The following CATSPERE variants were observed in gnomAD, a reference collection of about 807,000 sequenced individuals.
CATSPERE encodes catsper channel auxiliary subunit epsilon.
In CATSPERE, 93 loss-of-function variants were observed where a neutral mutation model predicts 114.1. The observed-to-expected ratio is 0.81, with a 90% CI of 0.69 to 0.97. The LOEUF is 0.97. Among genes scored for constraint, CATSPERE ranks in the 50% least tolerant of loss-of-function variants. CATSPERE has a pLI of 0.00. For missense variants in CATSPERE, 1,058 were observed against 1,131.6 expected, an observed-to-expected ratio of 0.93 and a Z score of 0.93; for synonymous variants, 341 against 384.1, an observed-to-expected ratio of 0.89 and a Z score of 1.31.
intron 8 of CATSPERE, among the ~76,000 whole-genome samples, chr1:244,527,898 T>G (rs1678911046): frequency 6.6e-6 from 1 of 152,182 alleles, no homozygotes; most frequent in South Asian, 2.1e-4. Flanking sequence ...TCACCATGCC[T>G]GGCCAATTTT....
At position 244,633,865 on chromosome 1, in the gene CATSPERE, ATTTT is replaced by A. The variant is rs35307647; in HGVS notation, c.2649-1610_2649-1607del. Among the ~76,000 whole-genome samples the A allele has an allele frequency of 7.5e-6, 1 of 133,644 alleles. No individual in the cohort carries two copies. The allele number at this position is 133,644 out of a possible 152,430, so 87.7% of individuals were successfully genotyped here. On this transcript the variant is annotated intron_variant, in intron 20 of 21. Coordinates refer to ENST00000366534, the MANE Select transcript of CATSPERE (RefSeq NM_001130957.2). The surrounding 1 kb of genome is among the most constrained non-coding windows in gnomAD (Gnocchi z 4.1). ...CCTGTGACAGGTGTCTACATCACTC[ATTTT>A]TTTTTTTTTTTTTGAGACGGAGCCT...
upstream of CATSPERE, among the ~76,000 whole-genome samples, chr1:244,460,871 TCG>T (rs1180112899): frequency 6.6e-6 from 1 of 152,214 alleles, no homozygotes; most frequent in East Asian, 1.9e-4. Flanking sequence ...CCGAGCCAGA[TCG>T]CGCCACTGCA....
At chr1:244,596,467 A>T (rs1668446225) in intron 17 of CATSPERE, among the ~76,000 whole-genome samples, 1 of 152,198 alleles carries the variant, frequency 6.6e-6, no homozygotes. Context: ...GTGAAGCCAA[A>T]AAACCTCCCA....
At chr1:244,486,425 G>C (rs1311750086) in intron 5 of CATSPERE, among the ~76,000 whole-genome samples, 1 of 113,302 alleles carries the variant, frequency 8.8e-6, no homozygotes, top group African/African-American at 3.4e-5. Flanking sequence ...GTGGTTCAGC[G>C]TGTGGAATAC....
intron 12 of CATSPERE, among the ~76,000 whole-genome samples, chr1:244,583,430 C>G (rs533225047): frequency 3.9e-5 from 6 of 152,258 alleles, no homozygotes; most frequent in African/African-American, 1.4e-4. Context: ...ACAACTCACT[C>G]TTTATTGTCC....
At chr1:244,457,075 G>A (rs951054254), upstream of CATSPERE, among the ~76,000 whole-genome samples, 2 of 152,186 alleles carry the variant, frequency 1.3e-5, no homozygotes, top group Admixed American at 1.3e-4. Flanking sequence ...TAAGCAAAGT[G>A]AAAAAGGTTT....
chr1:244,624,951 G>A (rs1672913504), intron 20 of CATSPERE, among the ~76,000 whole-genome samples: 1 of 152,136 alleles, frequency 6.6e-6, no homozygotes. Context: ...TCTGCCACAT[G>A]TGCAGTGATT....
Position 244,617,685 on chromosome 1 carries a change from A to G in CATSPERE, c.2647A>G (p.Ser883Gly). Residue 883 changes from serine to glycine, a missense_variant and splice_region_variant, in exon 20 of 22, where the codon AGT becomes GGT. Physicochemically the swap from Ser to Gly is moderately conservative, Grantham distance 56. Transcript: ENST00000366534. The stretch of plus-strand genomic sequence containing the variant: ...TGTGAAGATCCTGGATCCAAACTAT[A>G]GGTGAATATATGTGTTACTGTAATA... ...FRVKILDPNY[S>G]FCNLTAMFAI... 6.5e-7 allele frequency: 1 copy of G among 1,533,418 alleles called. No homozygotes were observed. The allele number at this position is 1,533,418 out of a possible 1,614,324, so 95.0% of individuals were successfully genotyped here. A position where few individuals can be genotyped will look rare whatever the true frequency, so the allele number is the denominator to read the frequency against.
chr1:244,498,613 A>G (rs1673491378), intron 6 of CATSPERE, among the ~76,000 whole-genome samples: 1 of 152,142 alleles, frequency 6.6e-6, no homozygotes, highest in Admixed American at 6.6e-5. Flanking sequence ...ATAAAGAAAG[A>G]TGGGCTGGGC....
At chr1:244,489,213 C>G (rs897573724) in intron 5 of CATSPERE, among the ~76,000 whole-genome samples, 1 of 152,102 alleles carries the variant, frequency 6.6e-6, no homozygotes, top group Non-Finnish European at 1.5e-5. Flanking sequence ...GTCCTCCTGC[C>G]TCGGGCTCCC....
At chr1:244,632,397 A>AT (rs1195226342) in intron 20 of CATSPERE, among the ~76,000 whole-genome samples, 1 of 151,260 alleles carries the variant, frequency 6.6e-6, no homozygotes, top group Admixed American at 6.6e-5. Context: ...CCAACTCAAA[A>AT]AAAAAAAAAA....
At chr1:244,536,138 A>T (rs1368844684) in intron 8 of CATSPERE, among the ~76,000 whole-genome samples, 1 of 151,782 alleles carries the variant, frequency 6.6e-6, no homozygotes, top group East Asian at 1.9e-4. Flanking sequence ...AAGTTGCAAG[A>T]CAAAGCCCTT....
intron 9 of CATSPERE, among the ~76,000 whole-genome samples, chr1:244,555,495 T>G (rs759274682): frequency 6.6e-6 from 1 of 151,668 alleles, no homozygotes; most frequent in Admixed American, 6.6e-5. Flanking sequence ...AAGTTTAAAG[T>G]TTAAAGCCTT....
At chr1:244,479,852 C>A in intron 5 of CATSPERE, 68 bp downstream of exon 5, 2 of 820,616 alleles carry the variant, frequency 2.4e-6, no homozygotes, top group Admixed American at 2.6e-5. Flanking sequence ...TTTTAATTAG[C>A]CACAAATAGA....
intron 12 of CATSPERE, among the ~76,000 whole-genome samples, chr1:244,582,833 T>G (rs1666385963): frequency 6.6e-6 from 1 of 152,084 alleles, no homozygotes; most frequent in South Asian, 2.1e-4. Flanking sequence ...ATGGAACCCA[T>G]TCTCCAGTGA....
intron 6 of CATSPERE, among the ~76,000 whole-genome samples, chr1:244,495,910 C>T (rs1397142189): frequency 6.6e-6 from 1 of 152,222 alleles, no homozygotes; most frequent in African/African-American, 2.4e-5. Context: ...AGATTCGGAA[C>T]CTACAGCTAA....
intron 7 of CATSPERE, among the ~76,000 whole-genome samples, chr1:244,508,831 TAAAA>T (rs960028586): frequency 8.8e-6 from 1 of 114,252 alleles, no homozygotes; most frequent in African/African-American, 3.3e-5. Flanking sequence ...ACCCTATCTC[TAAAA>T]AAAAAAAAAA....
At chr1:244,639,812 C>T (rs985030370) in intron 21 of CATSPERE, 116 bp from the exon 22 acceptor site, 1 of 935,760 alleles carries the variant, frequency 1.1e-6, no homozygotes, top group Non-Finnish European at 1.6e-6. Context: ...GTCTTATTCA[C>T]CTTTGCTCTC....
At chr1:244,597,534 CTTTT>C (rs34454607) in intron 17 of CATSPERE, among the ~76,000 whole-genome samples, 1 of 128,216 alleles carries the variant, frequency 7.8e-6, no homozygotes, top group African/African-American at 3.0e-5. Context: ...TCCCTGATTT[CTTTT>C]TTTTTTTTTT....
Sources: allele counts gnomAD v4.1 joint callset (sites outside exome capture counted in the v4.1 genomes callset), GRCh38; gene constraint gnomAD v4.1.1; non-coding constraint Gnocchi (gnomAD v3.1); transcripts MANE v1.5; gene names NCBI Gene and HGNC (gene_info 2026-07-23, HGNC 2026-07-21).